GPC5: variants seen among roughly 807,000 people sequenced by gnomAD.
GPC5 encodes the protein glypican-5.
A neutral mutation model predicts 53.9 loss-of-function variants in GPC5; 47 were observed. The observed-to-expected ratio is 0.87, with a 90% CI of 0.69 to 1.11. GPC5 has a LOEUF of 1.11. GPC5 is among the 50% of genes most tolerant of loss of function. The probability of loss-of-function intolerance (pLI) is 0.00; values close to 1 mark genes in which losing one functional copy is unlikely to be tolerated. For missense variants in GPC5, 748 were observed against 713.1 expected (o/e 1.05, Z -0.56); for synonymous variants, 286 against 263.3 (o/e 1.09, Z -0.84).
At chr13:91,528,154 G>A (rs547794992) in intron 2 of GPC5, among the ~76,000 whole-genome samples, 1 of 152,250 alleles carries the variant, frequency 6.6e-6, no homozygotes, top group South Asian at 2.1e-4. Flanking sequence ...TCTACTGCAT[G>A]GTCAGGCTGC....
At chr13:92,253,448 G>A (rs894894445) in intron 7 of GPC5, among the ~76,000 whole-genome samples, 1 of 151,940 alleles carries the variant, frequency 6.6e-6, no homozygotes, top group Admixed American at 6.6e-5. Context: ...AAATAGATAT[G>A]AGACCCACTA....
chr13:91,792,389 G>A (rs1254432488), intron 5 of GPC5, among the ~76,000 whole-genome samples: 1 of 152,046 alleles, frequency 6.6e-6, no homozygotes, highest in East Asian at 1.9e-4. Context: ...GTCTTCTGGT[G>A]GTAGCATTTC....
intron 6 of GPC5, among the ~76,000 whole-genome samples, chr13:91,996,845 G>A (rs552398579): frequency 5.9e-5 from 9 of 151,948 alleles, no homozygotes; most frequent in Non-Finnish European, 8.8e-5. Context: ...TTATGTTTAC[G>A]TTTGGGATTC....
intron 6 of GPC5, among the ~76,000 whole-genome samples, chr13:91,951,528 G>A (rs925838596): frequency 1.3e-5 from 2 of 148,870 alleles, no homozygotes; most frequent in African/African-American, 5.1e-5. Context: ...CAGCATTGCT[G>A]AAAGTTGTGT....
intron 7 of GPC5, among the ~76,000 whole-genome samples, chr13:92,591,907 G>A (rs906189322): frequency 1.6e-4 from 25 of 152,058 alleles, no homozygotes; most frequent in African/African-American, 5.8e-4. Context: ...TAATAAATGT[G>A]AGCACCTGCT....
chr13:92,720,866 G>C (rs931573486), intron 7 of GPC5, among the ~76,000 whole-genome samples: 1 of 152,046 alleles, frequency 6.6e-6, no homozygotes, highest in African/African-American at 2.4e-5. Flanking sequence ...CTACCCAGGG[G>C]ACCATTCAAA....
intron 1 of GPC5, among the ~76,000 whole-genome samples, chr13:91,399,570 C>A (rs59679236): frequency 6.6e-6 from 1 of 152,148 alleles, no homozygotes. Context: ...AGTGCCCCAC[C>A]GGGGATTTCG....
chr13:91,857,670 A>G (rs1418751093), intron 5 of GPC5, among the ~76,000 whole-genome samples: 1 of 151,122 alleles, frequency 6.6e-6, no homozygotes, highest in Non-Finnish European at 1.5e-5. Context: ...AGTTACAAGG[A>G]CATACATACT....
intron 5 of GPC5, among the ~76,000 whole-genome samples, chr13:91,831,426 A>G (rs1196949843): frequency 2.0e-5 from 3 of 152,040 alleles, no homozygotes; most frequent in Non-Finnish European, 4.4e-5. Context: ...GGCAACACTC[A>G]CACAGAAACA....
intron 2 of GPC5, among the ~76,000 whole-genome samples, chr13:91,462,995 C>A (rs1348873118): frequency 6.6e-6 from 1 of 151,956 alleles, no homozygotes; most frequent in African/African-American, 2.4e-5. Flanking sequence ...TTCTAGAAAG[C>A]AATTTGACAG....
intron 7 of GPC5, among the ~76,000 whole-genome samples, chr13:92,589,440 C>T (rs1433829241): frequency 6.6e-6 from 1 of 152,152 alleles, no homozygotes; most frequent in African/African-American, 2.4e-5. Context: ...TATTCCCCAG[C>T]TTTATTCCCC....
intron 5 of GPC5, among the ~76,000 whole-genome samples, chr13:91,768,734 A>G (rs342704): frequency 0.28 from 42,405 of 152,110 alleles, 6,462 homozygotes; most frequent in African/African-American, 0.37. Flanking sequence ...AAATAAAAAT[A>G]TCATGTTTAT....
At chr13:92,602,946 T>C (rs1469587459) in intron 7 of GPC5, among the ~76,000 whole-genome samples, 2 of 152,152 alleles carry the variant, frequency 1.3e-5, no homozygotes, top group Non-Finnish European at 2.9e-5. Context: ...CCAAGTCCTC[T>C]CTCAGCAGTC....
At chr13:91,538,938 G>C (rs1433758136) in intron 2 of GPC5, among the ~76,000 whole-genome samples, 1 of 151,570 alleles carries the variant, frequency 6.6e-6, no homozygotes, top group African/African-American at 2.4e-5. Context: ...TTTTTGTCTG[G>C]TTGGAAACAA....
At chr13:91,920,300 TA>T (rs1375917306) in intron 6 of GPC5, among the ~76,000 whole-genome samples, 6 of 151,908 alleles carry the variant, frequency 3.9e-5, no homozygotes, top group African/African-American at 1.5e-4. Context: ...TATTAAAAAT[TA>T]AAAATTCAAT....
chr13:91,447,840 TA>T, intron 1 of GPC5, among the ~76,000 whole-genome samples: 1 of 152,148 alleles, frequency 6.6e-6, no homozygotes, highest in South Asian at 2.1e-4. Flanking sequence ...ATTATGTAAA[TA>T]AAATTGTCCT....
At chr13:92,286,816 A>G (rs542577623) in intron 7 of GPC5, among the ~76,000 whole-genome samples, 1 of 152,108 alleles carries the variant, frequency 6.6e-6, no homozygotes, top group Non-Finnish European at 1.5e-5. Flanking sequence ...GCACACCAAC[A>G]TGGCACATGT....
intron 2 of GPC5, among the ~76,000 whole-genome samples, chr13:91,489,718 C>G (rs1290873320): frequency 6.6e-6 from 1 of 152,144 alleles, no homozygotes; most frequent in Non-Finnish European, 1.5e-5. Flanking sequence ...AGCCTCCCCA[C>G]CTTCCTTTTA....
intron 7 of GPC5, among the ~76,000 whole-genome samples, chr13:92,155,752 T>A (rs949934481): frequency 7.3e-6 from 1 of 136,622 alleles, no homozygotes; most frequent in Non-Finnish European, 1.6e-5. Context: ...ATTTACATTC[T>A]TCTATTTTTT....
Sources: allele counts gnomAD v4.1 joint callset (sites outside exome capture counted in the v4.1 genomes callset), GRCh38; gene constraint gnomAD v4.1.1; transcripts MANE v1.5; gene names NCBI Gene and HGNC (gene_info 2026-07-23, HGNC 2026-07-21).